The following SPATA16 variants were observed in gnomAD, a reference collection of about 807,000 sequenced individuals.
SPATA16 encodes the protein spermatogenesis-associated protein 16.
In SPATA16, 36 loss-of-function variants were observed where a neutral mutation model predicts 63.3. The ratio of observed to expected loss-of-function variants is 0.57; its 90% CI spans 0.44 to 0.75. The LOEUF (loss-of-function observed/expected upper bound fraction) is 0.75, where lower values mean the gene tolerates loss of function less well. SPATA16 is among the 30% of genes least tolerant of loss of function. The probability of loss-of-function intolerance (pLI) is 0.00; values close to 1 mark genes in which losing one functional copy is unlikely to be tolerated. For synonymous variants in SPATA16, 203 were observed against 216.7 expected, an observed-to-expected ratio of 0.94 and a Z score of 0.56; for missense variants, 646 against 679.3, an observed-to-expected ratio of 0.95 and a Z score of 0.54.
chr3:173,029,145 G>T (rs1039493681), intron 3 of SPATA16, among the ~76,000 whole-genome samples: 1 of 152,010 alleles, frequency 6.6e-6, no homozygotes, highest in African/African-American at 2.4e-5. Flanking sequence ...ACATTTAAAT[G>T]ATATTTAGAA....
At chr3:173,104,094 G>T (rs1012746820) in intron 2 of SPATA16, among the ~76,000 whole-genome samples, 1 of 152,190 alleles carries the variant, frequency 6.6e-6, no homozygotes, top group South Asian at 2.1e-4. Flanking sequence ...TAACAAGGGT[G>T]ACCTTTGCAC....
At chr3:173,115,733 A>G (rs1277572940) in intron 2 of SPATA16, among the ~76,000 whole-genome samples, 1 of 152,182 alleles carries the variant, frequency 6.6e-6, no homozygotes, top group Non-Finnish European at 1.5e-5. Flanking sequence ...GTCTGGTATC[A>G]TCTATTAATA....
At chr3:173,066,674 T>TAA (rs1194812023) in intron 2 of SPATA16, among the ~76,000 whole-genome samples, 1 of 151,952 alleles carries the variant, frequency 6.6e-6, no homozygotes, top group Non-Finnish European at 1.5e-5. Context: ...TTTGAATTCA[T>TAA]AAAAAACCCT....
rs373532221 is a variant in SPATA16 at position 173,004,444 on chromosome 3, A to C, written c.848+15042T>G. 3.3e-4 allele frequency among the ~76,000 whole-genome samples: 50 copies of C among 151,690 alleles called. 4 individuals are homozygous for C. Among genetic ancestry groups the C allele is most frequent in the South Asian group, 8.3e-4 (4 of 4,812 alleles). The stretch of plus-strand genomic sequence containing the variant: ...GGCATACCATATACAAAAAAAAAAA[A>C]AAAACACCACCACCAACAACAGCCA... On this transcript the variant is annotated intron_variant, in intron 4 of 10. Transcript: ENST00000351008.
chr3:172,889,537 G>A lies in SPATA16; in HGVS notation c.*33C>T, dbSNP rs545576524. 8 of 1,612,872 alleles carry A rather than the reference G, an allele frequency of 5.0e-6. No individual in the cohort carries two copies. In the Admixed American group the frequency reaches 1.3e-4, roughly 27 times the overall value. ...TGGATGCCCTTGCCTCTTCTTCTGG[G>A]ATATCTTAGTGGTAGTGCCTGCTCC... On this transcript the variant is annotated 3_prime_UTR_variant, in exon 11 of 11. Coordinates refer to ENST00000351008, the MANE Select transcript of SPATA16 (RefSeq NM_031955.6).
chr3:172,957,691 A>G (rs1733633509), intron 5 of SPATA16, among the ~76,000 whole-genome samples: 3 of 152,206 alleles, frequency 2.0e-5, no homozygotes, highest in Admixed American at 6.5e-5. Flanking sequence ...ATTCTCCCAG[A>G]CAACTAAGGT....
intron 1 of SPATA16, among the ~76,000 whole-genome samples, chr3:173,134,792 C>T (rs939234167): frequency 1.3e-5 from 2 of 152,154 alleles, no homozygotes; most frequent in African/African-American, 4.8e-5. Flanking sequence ...TGGCCTAAAT[C>T]AAATGCAGCG....
At chr3:172,982,949 G>A (rs2108255572) in intron 4 of SPATA16, among the ~76,000 whole-genome samples, 1 of 152,270 alleles carries the variant, frequency 6.6e-6, no homozygotes, top group East Asian at 1.9e-4. Flanking sequence ...AAAAATCACA[G>A]CACACAATCA....
intron 4 of SPATA16, among the ~76,000 whole-genome samples, chr3:172,981,481 C>T: frequency 6.6e-6 from 1 of 152,176 alleles, no homozygotes; most frequent in East Asian, 1.9e-4. Flanking sequence ...TCACTCTGCT[C>T]CTGACAGGGT....
chr3:173,102,103 T>C (rs1737511703), intron 2 of SPATA16, among the ~76,000 whole-genome samples: 1 of 152,146 alleles, frequency 6.6e-6, no homozygotes, highest in African/African-American at 2.4e-5. Flanking sequence ...CTTAGAGAGG[T>C]CCTGAACCCT....
intron 2 of SPATA16, among the ~76,000 whole-genome samples, chr3:173,054,282 G>C (rs1736166300): frequency 6.6e-6 from 1 of 152,048 alleles, no homozygotes; most frequent in Non-Finnish European, 1.5e-5. Context: ...CCCCATTACT[G>C]GGTATATACC....
intron 2 of SPATA16, among the ~76,000 whole-genome samples, chr3:173,064,751 G>A (rs1180694613): frequency 6.6e-6 from 1 of 152,160 alleles, no homozygotes; most frequent in African/African-American, 2.4e-5. Flanking sequence ...GCTTATTTCA[G>A]ATCCATTAAC....
intron 6 of SPATA16, among the ~76,000 whole-genome samples, chr3:172,929,647 C>T (rs963005499): frequency 6.6e-6 from 1 of 152,134 alleles, no homozygotes; most frequent in Non-Finnish European, 1.5e-5. Context: ...CCCCAGCTCA[C>T]TGATACTCTC....
chr3:173,064,114 T>C (rs1409880145), intron 2 of SPATA16, among the ~76,000 whole-genome samples: 1 of 152,032 alleles, frequency 6.6e-6, no homozygotes, highest in Non-Finnish European at 1.5e-5. Context: ...TAGACCAGCT[T>C]GGCCAACATG....
At chr3:172,978,921 G>A (rs528216983) in intron 4 of SPATA16, among the ~76,000 whole-genome samples, 3 of 152,276 alleles carry the variant, frequency 2.0e-5, no homozygotes, top group South Asian at 4.1e-4. Flanking sequence ...GCCATGGTGG[G>A]CATTTATATA....
chr3:173,009,478 G>C (rs935869550), intron 4 of SPATA16, among the ~76,000 whole-genome samples: 6 of 152,248 alleles, frequency 3.9e-5, no homozygotes, highest in Non-Finnish European at 8.8e-5. Flanking sequence ...ACAGAGAGCT[G>C]CCTGGAATCT....
chr3:173,088,024 T>C lies in SPATA16; in HGVS notation c.612+29096A>G, dbSNP rs184331103. Among the ~76,000 whole-genome samples the C allele has an allele frequency of 3.5e-3, 397 of 114,658 alleles. 9 individuals carry two copies. Among genetic ancestry groups the C allele is most frequent in the African/African-American group, 0.012 (379 of 31,468 alleles). The allele number at this position is 114,658 out of a possible 152,430, so 75.2% of individuals were successfully genotyped here. A position where few individuals can be genotyped will look rare whatever the true frequency, so the allele number is the denominator to read the frequency against. ...TTTCTTTCCGTCTTTCTTTCTTTCT[T>C]TCTTTCTTTCTTTCTTTCTTTCTTT... On this transcript the variant is annotated intron_variant, in intron 2 of 10. Transcript: ENST00000351008.
At chr3:173,129,220 T>G (rs1354694660) in intron 1 of SPATA16, among the ~76,000 whole-genome samples, 1 of 152,164 alleles carries the variant, frequency 6.6e-6, no homozygotes, top group African/African-American at 2.4e-5. Context: ...ATGTTATCCA[T>G]TTTTCTTGGG....
rs1410036332 is a variant in SPATA16 at position 173,030,489 on chromosome 3, C to T, written c.759-10914G>A. 2.0e-5 allele frequency among the ~76,000 whole-genome samples: 3 copies of T among 152,130 alleles called. No homozygotes were observed. The East Asian group carries it at 5.8e-4, about 29-fold the overall frequency. Reference sequence around the variant, plus strand: ...AGCATATGAAAAGATGTTTACATCACTAATTGTTAGGGAAATTCAAACCAA... The same window carrying T: ...AGCATATGAAAAGATGTTTACATCATTAATTGTTAGGGAAATTCAAACCAA... On this transcript the variant is annotated intron_variant, in intron 3 of 10. Transcript: ENST00000351008.
Sources: allele counts gnomAD v4.1 joint callset (sites outside exome capture counted in the v4.1 genomes callset), GRCh38; gene constraint gnomAD v4.1.1; transcripts MANE v1.5; gene names NCBI Gene and HGNC (gene_info 2026-07-23, HGNC 2026-07-21).